The following ITGB3BP variants were observed in gnomAD, a reference collection of about 807,000 sequenced individuals.
The protein encoded by ITGB3BP is centromere protein R.
Under a neutral mutation model 29.1 loss-of-function variants are expected in ITGB3BP, and 27 were observed. The ratio of observed to expected loss-of-function variants is 0.93; its 90% confidence interval spans 0.68 to 1.28. The LOEUF (loss-of-function observed/expected upper bound fraction) is 1.28, where lower values mean the gene tolerates loss of function less well. ITGB3BP is among the 50% of genes most tolerant of loss of function. The pLI is 0.00. For missense variants in ITGB3BP, 192 were observed against 200.2 expected (o/e 0.96, Z 0.25); for synonymous variants, 61 against 61.4 (o/e 0.99, Z 0.03).
intron 7 of ITGB3BP, among the ~76,000 whole-genome samples, chr1:63,448,441 T>C (rs7527503): frequency 0.012 from 1,760 of 151,980 alleles, 36 homozygotes; most frequent in African/African-American, 0.041. Flanking sequence ...ATAGTATGAA[T>C]AAAAATGACT....
At position 63,519,546 on chromosome 1, in the gene ITGB3BP, CAT is replaced by C. The variant is rs542548025; in HGVS notation, c.5+3581_5+3582del. 4.2e-3 allele frequency among the ~76,000 whole-genome samples: 645 copies of C among 152,188 alleles called. 8 individuals are homozygous for C. The highest frequency in any genetic ancestry group is 0.014 in the African/African-American group (577 of 41,558). ...GCAGGAAAGAATTGCATTTAAATTT[CAT>C]ATTTTTCTTATATCAAGTACTAAAA... On this transcript the variant is annotated intron_variant, in intron 1 of 8. Transcript: ENST00000271002.
At chr1:63,480,063 T>C (rs1407319268) in intron 3 of ITGB3BP, among the ~76,000 whole-genome samples, 1 of 152,128 alleles carries the variant, frequency 6.6e-6, no homozygotes, top group African/African-American at 2.4e-5. Flanking sequence ...AAGATCTAAG[T>C]ATATCACTCA....
chr1:63,447,398 T>A (rs1644802716), intron 7 of ITGB3BP, among the ~76,000 whole-genome samples: 1 of 152,236 alleles, frequency 6.6e-6, no homozygotes, highest in Non-Finnish European at 1.5e-5. Flanking sequence ...GGCACTGTGC[T>A]AGGCTCTGGA....
Position 63,488,197 on chromosome 1 carries a change from G to C in ITGB3BP, c.184+1886C>G, listed in dbSNP as rs1645569420. ...CATAGAAAGTACATATAAATATCTGGAGGAAGATTATTCCAGGTGGAGAGA... is the reference window on the plus strand; with the variant it reads ...CATAGAAAGTACATATAAATATCTGCAGGAAGATTATTCCAGGTGGAGAGA... On this transcript the variant is annotated intron_variant, in intron 3 of 8. Coordinates refer to ENST00000271002, the MANE Select transcript of ITGB3BP (RefSeq NM_014288.5). 3.3e-5 allele frequency among the ~76,000 whole-genome samples: 5 copies of C among 152,122 alleles called. 1 individual carries two copies. In the South Asian group the frequency reaches 1.0e-3, roughly 32 times the overall value.
At chr1:63,455,875 T>C (rs1267214829) in intron 4 of ITGB3BP, among the ~76,000 whole-genome samples, 2 of 108,394 alleles carry the variant, frequency 1.8e-5, no homozygotes, top group Admixed American at 1.2e-4. Flanking sequence ...GTAAATTTTC[T>C]TTAATAATTT....
chr1:63,490,079 T>A lies in ITGB3BP; in HGVS notation c.184+4A>T, dbSNP rs564128416. Reference sequence around the variant, plus strand: ...CAATAAGTAGAAAAGAATGTTCAACTAACCATTTGATAGTCCATTTCTGTG... The same window carrying A: ...CAATAAGTAGAAAAGAATGTTCAACAAACCATTTGATAGTCCATTTCTGTG... On this transcript the variant is annotated splice_donor_region_variant and intron_variant, in intron 3 of 8. Transcript: ENST00000271002. 3 of 1,607,360 alleles carry A rather than the reference T, an allele frequency of 1.9e-6. No homozygotes were observed. In the Admixed American group the frequency reaches 5.1e-5, roughly 27 times the overall value.
At chr1:63,488,285 T>C (rs912912145) in intron 3 of ITGB3BP, among the ~76,000 whole-genome samples, 8 of 151,402 alleles carry the variant, frequency 5.3e-5, no homozygotes, top group African/African-American at 1.9e-4. Flanking sequence ...AAGGTAAGAG[T>C]GGCTAAAGTA....
chr1:63,504,626 C>A (rs761526219), intron 2 of ITGB3BP, among the ~76,000 whole-genome samples: 10 of 152,158 alleles, frequency 6.6e-5, no homozygotes, highest in Non-Finnish European at 1.2e-4. Context: ...TTTGCCCATT[C>A]AGTGTGATAT....
chr1:63,466,896 G>C (rs558503743), intron 4 of ITGB3BP, among the ~76,000 whole-genome samples: 29 of 152,242 alleles, frequency 1.9e-4, no homozygotes, highest in South Asian at 1.9e-3. Context: ...TGCAGGGTGA[G>C]AGCCACCAAG....
chr1:63,498,900 G>A (rs1645855621), intron 2 of ITGB3BP, among the ~76,000 whole-genome samples: 1 of 152,048 alleles, frequency 6.6e-6, no homozygotes, highest in Non-Finnish European at 1.5e-5. Context: ...GAATGAAAAA[G>A]GGATGTTACT....
At chr1:63,442,435 T>C (rs942054631) in intron 8 of ITGB3BP, 10 of 152,214 alleles carry the variant, frequency 6.6e-5, no homozygotes, top group African/African-American at 1.9e-4. Flanking sequence ...ACCCATTCTA[T>C]TGTGCTGACC....
chr1:63,461,509 T>C (rs1161982609), intron 4 of ITGB3BP, among the ~76,000 whole-genome samples: 1 of 152,230 alleles, frequency 6.6e-6, no homozygotes, highest in East Asian at 1.9e-4. Context: ...CATTGTGCTT[T>C]TGGTGTTGTT....
chr1:63,442,032 T>C (rs1644737105), intron 8 of ITGB3BP, among the ~76,000 whole-genome samples: 1 of 152,176 alleles, frequency 6.6e-6, no homozygotes, highest in Non-Finnish European at 1.5e-5. Flanking sequence ...AAGGATGCAG[T>C]GAGCTATGAT....
chr1:63,459,928 A>C (rs749797203), intron 4 of ITGB3BP, among the ~76,000 whole-genome samples: 13 of 152,258 alleles, frequency 8.5e-5, no homozygotes, highest in Non-Finnish European at 4.4e-5. Flanking sequence ...GGCAATTCTT[A>C]TGCACATAAA....
chr1:63,510,015 CCT>C, intron 1 of ITGB3BP: 1 of 499,768 alleles, frequency 2.0e-6, no homozygotes, highest in South Asian at 3.0e-5. Flanking sequence ...ATGGTGAAAC[CCT>C]GTCTGTACTA....
At chr1:63,444,433 A>G (rs78815829) in intron 8 of ITGB3BP, among the ~76,000 whole-genome samples, 1,805 of 147,248 alleles carry the variant, frequency 0.012, 39 homozygotes, top group African/African-American at 0.043. Context: ...GATATATATA[A>G]GATATATATA....
chr1:63,442,641 T>C (rs1644744305), intron 8 of ITGB3BP: 1 of 152,246 alleles, frequency 6.6e-6, no homozygotes, highest in Non-Finnish European at 1.5e-5. Context: ...AAGCTTCTAC[T>C]AGAGAGCCTG....
At chr1:63,462,196 CT>C (rs1241568914) in intron 4 of ITGB3BP, among the ~76,000 whole-genome samples, 2 of 152,166 alleles carry the variant, frequency 1.3e-5, no homozygotes, top group African/African-American at 4.8e-5. Flanking sequence ...TTTTTTACCT[CT>C]TTAGTTAAAT....
chr1:63,462,820 C>T (rs1389189037), intron 4 of ITGB3BP, among the ~76,000 whole-genome samples: 1 of 152,132 alleles, frequency 6.6e-6, no homozygotes, highest in East Asian at 1.9e-4. Context: ...AACAAAACAA[C>T]AAAAATTTTT....
Sources: gnomAD v4.1 joint callset for allele counts (sites outside exome capture counted in the v4.1 genomes callset) on GRCh38, gnomAD v4.1.1 for gene constraint, MANE v1.5 for transcripts, NCBI Gene and HGNC (gene_info 2026-07-23, HGNC 2026-07-21) for gene names.